Variants in TACR1 observed in about 807,000 individuals in gnomAD.
TACR1 encodes tachykinin receptor 1.
TACR1 carries 25 observed loss-of-function variants against 35.8 expected under a neutral mutation model. That is an observed-to-expected ratio of 0.70 (90% CI 0.51 to 0.98). The LOEUF is 0.98. Among genes scored for constraint, TACR1 ranks in the 50% least tolerant of loss-of-function variants. The pLI is 0.00. For missense variants in TACR1, 478 were observed against 522.9 expected, an observed-to-expected ratio of 0.91 and a Z score of 0.84; for synonymous variants, 195 against 206.7, an observed-to-expected ratio of 0.94 and a Z score of 0.48.
chr2:75,059,985 G>A (rs1483489337), intron 2 of TACR1, among the ~76,000 whole-genome samples: 1 of 152,238 alleles, frequency 6.6e-6, no homozygotes, highest in Non-Finnish European at 1.5e-5. Flanking sequence ...CTGGGTGTTA[G>A]AGCCAAATTC....
intron 1 of TACR1, among the ~76,000 whole-genome samples, chr2:75,179,176 G>A (rs1332666608): frequency 6.6e-6 from 1 of 152,094 alleles, no homozygotes; most frequent in Non-Finnish European, 1.5e-5. Flanking sequence ...AATGAAATCA[G>A]CATTCTCCCA....
At chr2:75,116,287 A>G (rs964320179) in intron 2 of TACR1, among the ~76,000 whole-genome samples, 1 of 152,038 alleles carries the variant, frequency 6.6e-6, no homozygotes, top group Non-Finnish European at 1.5e-5. Flanking sequence ...ATTTGTAGAG[A>G]GGGGGTTTCA....
At chr2:75,136,243 A>C (rs961809063) in intron 1 of TACR1, among the ~76,000 whole-genome samples, 1 of 152,118 alleles carries the variant, frequency 6.6e-6, no homozygotes. Flanking sequence ...TGCTGTGGCT[A>C]CTTCCTTGGG....
chr2:75,124,828 A>T (rs1393827641), intron 1 of TACR1, among the ~76,000 whole-genome samples: 3 of 152,200 alleles, frequency 2.0e-5, no homozygotes, highest in African/African-American at 7.2e-5. Context: ...AGGAATTAGA[A>T]CCATAGGAGA....
rs575147911 is a variant in TACR1, at chr2:75,080,747, A to G, written c.585-26992T>C. ...CTTCCCAGGCCTGTTGTGAGGATAT[A>G]TAGAAATAACTGGTGTGAAAATACT... On this transcript the variant is annotated intron_variant, in intron 2 of 4. Coordinates refer to ENST00000305249, the MANE Select transcript of TACR1 (RefSeq NM_001058.4). 5.9e-5 allele frequency among the ~76,000 whole-genome samples: 9 copies of G among 152,332 alleles called. No homozygotes were observed. The East Asian group carries it at 1.7e-3, about 29-fold the overall frequency.
intron 1 of TACR1, among the ~76,000 whole-genome samples, chr2:75,162,902 C>T (rs909808301): frequency 1.4e-4 from 21 of 152,290 alleles, no homozygotes; most frequent in Admixed American, 7.8e-4. Context: ...ATTTATCATG[C>T]GTGGAAGAGA....
intron 2 of TACR1, among the ~76,000 whole-genome samples, chr2:75,087,643 A>G (rs1444831903): frequency 6.6e-6 from 1 of 152,220 alleles, no homozygotes; most frequent in Non-Finnish European, 1.5e-5. Context: ...CCCCAGCTGT[A>G]TCTCCACATT....
At chr2:75,086,054 A>C (rs1173875191) in intron 2 of TACR1, among the ~76,000 whole-genome samples, 1 of 152,234 alleles carries the variant, frequency 6.6e-6, no homozygotes, top group Non-Finnish European at 1.5e-5. Flanking sequence ...CTCTTCAGTT[A>C]AACCCAAAGT....
intron 2 of TACR1, among the ~76,000 whole-genome samples, chr2:75,054,184 A>G (rs887403876): frequency 1.3e-5 from 2 of 152,116 alleles, no homozygotes; most frequent in African/African-American, 2.4e-5. Context: ...AAGTAATTAT[A>G]CCACTCAATT....
chr2:75,195,455 A>G (rs1214817202), intron 1 of TACR1, among the ~76,000 whole-genome samples: 1 of 151,534 alleles, frequency 6.6e-6, no homozygotes, highest in Non-Finnish European at 1.5e-5. Flanking sequence ...TCCTGTAGAA[A>G]GACTACAGGA....
intron 1 of TACR1, among the ~76,000 whole-genome samples, chr2:75,137,373 G>A (rs935613034): frequency 8.5e-5 from 13 of 152,230 alleles, no homozygotes; most frequent in African/African-American, 1.4e-4. Flanking sequence ...GAGTGGTCAC[G>A]CATGGTGCGC....
chr2:75,074,449 T>A (rs1672940034), intron 2 of TACR1, among the ~76,000 whole-genome samples: 1 of 152,208 alleles, frequency 6.6e-6, no homozygotes, highest in African/African-American at 2.4e-5. Flanking sequence ...AACATGGCCC[T>A]ACAGCATGTG....
intron 1 of TACR1, among the ~76,000 whole-genome samples, chr2:75,164,190 G>A (rs1675082316): frequency 6.6e-6 from 1 of 152,010 alleles, no homozygotes. Flanking sequence ...AGCCAGGCGT[G>A]GTGGCGGGCA....
intron 3 of TACR1, 23 bp from the exon 4 acceptor site, chr2:75,051,470 G>A (rs1018170406): frequency 1.2e-6 from 2 of 1,612,848 alleles, no homozygotes; most frequent in Non-Finnish European, 1.7e-6. Flanking sequence ...TGAGACAGGT[G>A]AGACCACCAG....
chr2:75,159,400 C>G (rs184239926), intron 1 of TACR1, among the ~76,000 whole-genome samples: 1 of 152,024 alleles, frequency 6.6e-6, no homozygotes, highest in Non-Finnish European at 1.5e-5. Context: ...TGATTTTTCT[C>G]TCCCCAACTT....
At chr2:75,142,804 T>G (rs1022755981) in intron 1 of TACR1, among the ~76,000 whole-genome samples, 1 of 152,148 alleles carries the variant, frequency 6.6e-6, no homozygotes, top group Non-Finnish European at 1.5e-5. Context: ...CCCAGTTGTT[T>G]TATAAATATA....
chr2:75,074,676 G>A (rs935207769), intron 2 of TACR1, among the ~76,000 whole-genome samples: 4 of 151,960 alleles, frequency 2.6e-5, no homozygotes, highest in Non-Finnish European at 4.4e-5. Context: ...GGCCCCTGAA[G>A]GCAGGGATTT....
intron 1 of TACR1, among the ~76,000 whole-genome samples, chr2:75,169,656 T>C (rs1675229362): frequency 6.6e-6 from 1 of 152,204 alleles, no homozygotes; most frequent in African/African-American, 2.4e-5. Context: ...TGGGTATAGA[T>C]TTTTTTCCAT....
intron 2 of TACR1, among the ~76,000 whole-genome samples, chr2:75,064,002 A>T (rs936832989): frequency 1.3e-5 from 2 of 152,050 alleles, no homozygotes; most frequent in Non-Finnish European, 2.9e-5. Flanking sequence ...CCAGCATGAC[A>T]TGCATGATGA....
Sources: allele counts gnomAD v4.1 joint callset (sites outside exome capture counted in the v4.1 genomes callset), GRCh38; gene constraint gnomAD v4.1.1; transcripts MANE v1.5; gene names NCBI Gene and HGNC (gene_info 2026-07-23, HGNC 2026-07-21).